The following RPH3A variants were observed in gnomAD, a reference collection of about 807,000 sequenced individuals.
RPH3A encodes rabphilin-3A.
RPH3A carries 48 observed loss-of-function variants against 102.2 expected under a neutral mutation model. The ratio of observed to expected loss-of-function variants is 0.47; its 90% CI spans 0.37 to 0.60. The LOEUF is 0.60. RPH3A is among the 20% of genes least tolerant of loss of function. The probability of loss-of-function intolerance (pLI) is 0.00; values close to 1 mark genes in which losing one functional copy is unlikely to be tolerated. For synonymous variants in RPH3A, 310 were observed against 324.3 expected (o/e 0.96, Z 0.47); for missense variants, 781 against 910.1 (o/e 0.86, Z 1.83).
intron 2 of RPH3A, among the ~76,000 whole-genome samples, chr12:112,792,592 C>A (rs1406455037): frequency 1.3e-5 from 2 of 152,178 alleles, no homozygotes; most frequent in African/African-American, 2.4e-5. Context: ...AGAGAGTTAA[C>A]CCTTCGTGGG....
At chr12:112,646,773 C>T (rs1351902469) in intron 1 of RPH3A, among the ~76,000 whole-genome samples, 1 of 152,186 alleles carries the variant, frequency 6.6e-6, no homozygotes, top group African/African-American at 2.4e-5. Context: ...CCAGATGACA[C>T]TTGAGGGGCC....
intron 1 of RPH3A, among the ~76,000 whole-genome samples, chr12:112,627,440 CAT>C (rs1327838180): frequency 3.3e-5 from 5 of 149,600 alleles, no homozygotes; most frequent in African/African-American, 9.8e-5. Flanking sequence ...ATTGCAATAT[CAT>C]ATGATTACAT....
intron 1 of RPH3A, among the ~76,000 whole-genome samples, chr12:112,692,358 A>C (rs551181534): frequency 6.6e-6 from 1 of 152,238 alleles, no homozygotes; most frequent in Non-Finnish European, 1.5e-5. Flanking sequence ...TCTTTGAAAT[A>C]ATGAATATGC....
At chr12:112,877,890 A>G (rs1227368841) in intron 13 of RPH3A, among the ~76,000 whole-genome samples, 2 of 152,234 alleles carry the variant, frequency 1.3e-5, no homozygotes, top group African/African-American at 4.8e-5. Flanking sequence ...TTCTGAGTGT[A>G]TTCTGTGCAT....
chr12:112,776,309 C>A (rs1053017024), intron 1 of RPH3A, among the ~76,000 whole-genome samples: 2 of 152,212 alleles, frequency 1.3e-5, no homozygotes, highest in South Asian at 2.1e-4. Flanking sequence ...CTACAAAAAA[C>A]CCCCCCATAG....
intron 1 of RPH3A, among the ~76,000 whole-genome samples, chr12:112,661,211 G>A (rs910603813): frequency 3.3e-5 from 5 of 152,156 alleles, no homozygotes; most frequent in African/African-American, 1.2e-4. Context: ...CTGGGAGCAG[G>A]ATGAGATCTT....
chr12:112,877,939 GCTTTTATAA>G (rs1250465161), intron 13 of RPH3A, among the ~76,000 whole-genome samples: 1 of 152,184 alleles, frequency 6.6e-6, no homozygotes, highest in East Asian at 1.9e-4. Flanking sequence ...GGGCATAGTT[GCTTTTATAA>G]CTCTCATTTT....
At position 112,847,849 on chromosome 12, in the gene RPH3A, C is replaced by T. The variant is rs560228323; in HGVS notation, c.230+7C>T. The T allele has an allele frequency of 3.7e-6, 6 of 1,613,418 alleles. No homozygotes were observed. Among genetic ancestry groups the T allele is most frequent in the Middle Eastern group, 1.7e-4 (1 of 6,016 alleles). ...TGGAGCAGGAGCGAATCGGGTGAGG[C>T]TTAACGCTTCCCATTCACCCCAGAG... On this transcript the variant is annotated splice_region_variant and intron_variant, in intron 5 of 21. Transcript: ENST00000389385.
chr12:112,712,425 C>T (rs553071658), intron 1 of RPH3A, among the ~76,000 whole-genome samples: 24 of 151,972 alleles, frequency 1.6e-4, no homozygotes, highest in South Asian at 4.2e-4. Flanking sequence ...TAATAGAAAC[C>T]GCATAAATTA....
At chr12:112,641,088 A>G (rs1333864091) in intron 1 of RPH3A, among the ~76,000 whole-genome samples, 1 of 152,234 alleles carries the variant, frequency 6.6e-6, no homozygotes, top group Non-Finnish European at 1.5e-5. Flanking sequence ...TTATGTGGCC[A>G]TAAATCTCCT....
At position 112,896,877 on chromosome 12, in the gene RPH3A, C is replaced by A; in HGVS notation, c.*97C>A. ...ATCTCTCTTCTCTATGCCTACCTCC[C>A]CCCATACCCTGCTGATCTCCCTGAG... On this transcript the variant is annotated 3_prime_UTR_variant, in exon 22 of 22. Transcript: ENST00000389385. 7.3e-7 allele frequency: 1 copy of A among 1,378,892 alleles called. No homozygotes were observed. Among genetic ancestry groups the A allele is most frequent in the South Asian group, 1.3e-5 (1 of 77,460 alleles). The allele number at this position is 1,378,892 out of a possible 1,614,324, so 85.4% of individuals were successfully genotyped here.
intron 1 of RPH3A, among the ~76,000 whole-genome samples, chr12:112,714,168 C>G (rs1023971778): frequency 6.6e-6 from 1 of 152,066 alleles, no homozygotes; most frequent in Non-Finnish European, 1.5e-5. Context: ...GGAGAGGGCA[C>G]GAGCAGCCTC....
At chr12:112,794,806 C>T (rs2041197866) in intron 2 of RPH3A, among the ~76,000 whole-genome samples, 1 of 152,162 alleles carries the variant, frequency 6.6e-6, no homozygotes, top group Non-Finnish European at 1.5e-5. Context: ...ATTATGAAGA[C>T]CAAGGCATCA....
At chr12:112,757,629 C>G (rs1429366228) in intron 1 of RPH3A, among the ~76,000 whole-genome samples, 1 of 152,056 alleles carries the variant, frequency 6.6e-6, no homozygotes, top group Admixed American at 6.5e-5. Context: ...CACTGTACCC[C>G]ATAAATATGT....
At chr12:112,676,769 T>C (rs1204848627) in intron 1 of RPH3A, among the ~76,000 whole-genome samples, 3 of 152,176 alleles carry the variant, frequency 2.0e-5, no homozygotes, top group Non-Finnish European at 4.4e-5. Flanking sequence ...TAATGACAGC[T>C]GGAAAAATGC....
intron 1 of RPH3A, among the ~76,000 whole-genome samples, chr12:112,630,737 A>T (rs531587733): frequency 1.4e-4 from 21 of 152,286 alleles, no homozygotes; most frequent in African/African-American, 4.8e-4. Context: ...TCTAGCACTC[A>T]TCTGCTCAAT....
rs780604023 is a variant in RPH3A, at chr12:112,694,642, GCGCACACGCACACA to G, written c.-139-97499_-139-97486del. On this transcript the variant is annotated intron_variant, in intron 1 of 21. Transcript: ENST00000543106. Reference sequence around the variant, plus strand: ...GACAAAGACACACGCACGCGCGCGCGCGCACACGCACACACACACACACACACACACACACACAC... The same window carrying G: ...GACAAAGACACACGCACGCGCGCGCGCACACACACACACACACACACACAC... 3.3e-3 allele frequency among the ~76,000 whole-genome samples: 468 copies of G among 140,400 alleles called. 5 individuals are homozygous for G. The highest frequency in any genetic ancestry group is 9.4e-3 in the African/African-American group (337 of 36,018). 92.1% of individuals were successfully genotyped at this position (140,400 alleles called of 152,430 possible).
At chr12:112,746,806 CA>C (rs1337196896) in intron 1 of RPH3A, among the ~76,000 whole-genome samples, 1 of 152,128 alleles carries the variant, frequency 6.6e-6, no homozygotes, top group Non-Finnish European at 1.5e-5. Flanking sequence ...CTGTTTCTGC[CA>C]GTCAGCTGCC....
chr12:112,655,097 A>G (rs12303285), intron 1 of RPH3A, among the ~76,000 whole-genome samples: 3,202 of 152,338 alleles, frequency 0.021, 117 homozygotes, highest in African/African-American at 0.074. Flanking sequence ...AGGCCAGACC[A>G]CAAAGGGTTT....
Sources: gnomAD v4.1 joint callset for allele counts (sites outside exome capture counted in the v4.1 genomes callset) on GRCh38, gnomAD v4.1.1 for gene constraint, MANE v1.5 for transcripts, NCBI Gene and HGNC (gene_info 2026-07-23, HGNC 2026-07-21) for gene names.